PCSK4: variants seen among roughly 807,000 people sequenced by gnomAD.
PCSK4 encodes the protein proprotein convertase subtilisin/kexin type 4.
Under a neutral mutation model 80.3 loss-of-function variants are expected in PCSK4, and 64 were observed. The ratio of observed to expected loss-of-function variants is 0.80; its 90% confidence interval spans 0.65 to 0.98. The LOEUF (loss-of-function observed/expected upper bound fraction) is 0.98, where lower values mean the gene tolerates loss of function less well. Ranked by LOEUF, PCSK4 falls within the 50% of genes least tolerant of loss-of-function variation. PCSK4 has a pLI of 0.00. For synonymous variants in PCSK4, 561 were observed against 487.6 expected (o/e 1.15, Z -1.98); for missense variants, 1,213 against 1,093.6 (o/e 1.11, Z -1.54).
In PCSK4 at chr19:1,483,941, G is replaced by GC; in HGVS notation, c.1170-1dup (p.Asn390LysfsTer142). On this transcript the variant is annotated frameshift_variant and splice_region_variant. Transcript: ENST00000300954. LOFTEE classifies it high-confidence loss of function. ...GCATGTCTCTCCACGTCAGGAACGGGCTGCGGGGGGCGGGGGCGGGGGCGG... is the reference window on the plus strand; with the variant it reads ...GCATGTCTCTCCACGTCAGGAACGGGCCTGCGGGGGGCGGGGGCGGGGGCGG... The GC allele has an allele frequency of 6.9e-7, 1 of 1,444,810 alleles. No homozygotes were observed. Among genetic ancestry groups the GC allele is most frequent in the Non-Finnish European group, 9.0e-7 (1 of 1,107,922 alleles). The allele number at this position is 1,444,810 out of a possible 1,614,324, so 89.5% of individuals were successfully genotyped here.
At position 1,487,703 on chromosome 19, in the gene PCSK4, G is replaced by T; in HGVS notation, c.594-12C>A. ...AGCGGGTCCCGTGCCTGGTGCCAGG[G>T]CCAAGAGGGGCTCCTGTCACGGCCT... On this transcript the variant is annotated splice_polypyrimidine_tract_variant and intron_variant, in intron 5 of 14. Coordinates refer to ENST00000300954, the Ensembl canonical transcript of PCSK4. The T allele has an allele frequency of 1.9e-6, 3 of 1,552,146 alleles. No individual in the cohort carries two copies. Among genetic ancestry groups the T allele is most frequent in the Admixed American group, 2.0e-5 (1 of 51,134 alleles).
chr19:1,489,393 C>A (rs2084817896), intron 2 of PCSK4, among the ~76,000 whole-genome samples: 1 of 152,202 alleles, frequency 6.6e-6, no homozygotes, highest in African/African-American at 2.4e-5. Context: ...CTCCGCCTCC[C>A]AAAGTGCTGG....
intron 8 of PCSK4, among the ~76,000 whole-genome samples, chr19:1,484,700 C>A (rs1407902294): frequency 1.3e-5 from 2 of 151,928 alleles, no homozygotes; most frequent in East Asian, 3.9e-4. Context: ...GTAATCCCAG[C>A]TACTTGGGAG....
exon 15 of PCSK4, chr19:1,481,482 G>A (rs1047854): frequency 0.43 from 158,103 of 363,644 alleles, 37,602 homozygotes; most frequent in African/African-American, 0.75. Flanking sequence ...GGTGCCCGAG[G>A]CGGACAGTGT....
At chr19:1,484,076 C>T in exon 9 of PCSK4, 1 of 1,565,864 alleles carries the variant, frequency 6.4e-7, no homozygotes, top group Non-Finnish European at 8.6e-7. Context: ...GGGGCTGAGG[C>T]CGAGGTGCCC....
At chr19:1,486,776 A>G in intron 8 of PCSK4, 77 bp downstream of exon 8, 2 of 1,235,082 alleles carry the variant, frequency 1.6e-6, no homozygotes, top group South Asian at 1.3e-5. Flanking sequence ...GCTAAGTCAC[A>G]GTGGTGGGGA....
At chr19:1,487,967 G>A in exon 4 of PCSK4, 1 of 1,610,782 alleles carries the variant, frequency 6.2e-7, no homozygotes, top group Non-Finnish European at 8.5e-7. Flanking sequence ...GTCTCACGTA[G>A]TTGGCCCAGA....
exon 11 of PCSK4, chr19:1,483,661 C>A: frequency 6.3e-7 from 1 of 1,591,934 alleles, no homozygotes; most frequent in Non-Finnish European, 8.5e-7. Context: ...TGGGGCGGCT[C>A]TGGACCCGGA....
At chr19:1,482,824 G>C in intron 13 of PCSK4, 72 bp downstream of exon 13, 2 of 1,543,682 alleles carry the variant, frequency 1.3e-6, no homozygotes, top group South Asian at 2.3e-5. Flanking sequence ...GGTCACCAAG[G>C]CTAGCTCCAG....
chr19:1,489,890 G>T, exon 2 of PCSK4: 1 of 1,607,124 alleles, frequency 6.2e-7, no homozygotes, highest in South Asian at 1.1e-5. Context: ...CTGCCCGTCA[G>T]GGAAGATCTG....
upstream of PCSK4, chr19:1,490,517 G>A (rs888885095): frequency 1.4e-5 from 7 of 513,764 alleles, no homozygotes; most frequent in African/African-American, 1.2e-4. Context: ...AACAGAAGCG[G>A]GAGAGGGACG....
At chr19:1,481,446 T>G in exon 15 of PCSK4, 1 of 267,902 alleles carries the variant, frequency 3.7e-6, no homozygotes, top group Non-Finnish European at 7.0e-6. Flanking sequence ...AAGCAACCTT[T>G]ATTTGCAAAC....
chr19:1,490,127 C>G (rs1419804847), intron 1 of PCSK4, 31 bp downstream of exon 1: 1 of 1,612,032 alleles, frequency 6.2e-7, no homozygotes, highest in Non-Finnish European at 8.5e-7. Context: ...CCTCCAAGCC[C>G]CCACTTCCCG....
Position 1,481,656 on chromosome 19 carries a change from G to A in PCSK4, c.*103C>T, listed in dbSNP as rs558207755. 5.3e-4 allele frequency: 392 copies of A among 740,194 alleles called. 3 individuals are homozygous for A. In the African/African-American group the frequency reaches 6.5e-3, roughly 12 times the overall value. 45.9% of individuals were successfully genotyped at this position (740,194 alleles called of 1,614,324 possible). A position where few individuals can be genotyped will look rare whatever the true frequency, so the allele number is the denominator to read the frequency against. On this transcript the variant is annotated 3_prime_UTR_variant, in exon 15 of 15. Coordinates refer to ENST00000300954, the Ensembl canonical transcript of PCSK4. ...CCATCCCTGGCAGGCCAGGCGTCGG[G>A]TGCTGGTGCTCGCTCCTCTGGGGCC...
At chr19:1,490,543 T>A, upstream of PCSK4, 1 of 499,660 alleles carries the variant, frequency 2.0e-6, no homozygotes, top group Non-Finnish European at 3.5e-6. Flanking sequence ...CTGCCCGTCT[T>A]CCGCAGACCC....
chr19:1,487,345 C>T, intron 6 of PCSK4, 32 bp from the exon 7 acceptor site: 1 of 1,515,076 alleles, frequency 6.6e-7, no homozygotes, highest in African/African-American at 1.4e-5. Context: ...GCCGCTGCCA[C>T]CGGCCCTGCC....
exon 11 of PCSK4, chr19:1,483,702 G>T: frequency 6.3e-7 from 1 of 1,596,594 alleles, no homozygotes. Flanking sequence ...TGGGTGGGCA[G>T]CCAGGTGCGG....
exon 15 of PCSK4, chr19:1,481,469 C>T (rs186833293): frequency 2.7e-4 from 91 of 337,674 alleles, no homozygotes; most frequent in Admixed American, 8.7e-5. Context: ...TGAGGTTGGA[C>T]GCGGTGCCCG....
intron 11 of PCSK4, 64 bp downstream of exon 11, chr19:1,483,586 G>A (rs945900312): frequency 6.2e-6 from 9 of 1,441,910 alleles, no homozygotes; most frequent in Middle Eastern, 2.3e-4. Context: ...TGGGTAAACT[G>A]AGGCCTCAGG....
Sources: allele counts gnomAD v4.1 joint callset (sites outside exome capture counted in the v4.1 genomes callset), GRCh38; gene constraint gnomAD v4.1.1; transcripts MANE v1.5; gene names NCBI Gene and HGNC (gene_info 2026-07-23, HGNC 2026-07-21).